Variants in CYTH1 observed in about 807,000 individuals in gnomAD.
The protein encoded by CYTH1 is cytohesin-1.
A neutral mutation model predicts 61.8 loss-of-function variants in CYTH1; 18 were observed. The ratio of observed to expected loss-of-function variants is 0.29; its 90% CI spans 0.20 to 0.43. The LOEUF is 0.43. Among genes scored for constraint, CYTH1 ranks in the 20% least tolerant of loss-of-function variants. CYTH1 has a pLI of 1.00. For synonymous variants in CYTH1, 174 were observed against 184.3 expected (o/e 0.94, Z 0.45); for missense variants, 336 against 510.5 (o/e 0.66, Z 3.29).
intron 1 of CYTH1, among the ~76,000 whole-genome samples, chr17:78,712,641 A>G (rs2093146209): frequency 6.6e-6 from 1 of 152,114 alleles, no homozygotes; most frequent in Non-Finnish European, 1.5e-5. Flanking sequence ...AGGCAACAAG[A>G]GCACAACTCT....
intron 1 of CYTH1, among the ~76,000 whole-genome samples, chr17:78,735,919 C>T (rs916042092): frequency 5.3e-5 from 8 of 152,192 alleles, no homozygotes; most frequent in Admixed American, 4.6e-4. Flanking sequence ...TGACCCAGGG[C>T]TTTAAGACAC....
intron 1 of CYTH1, among the ~76,000 whole-genome samples, chr17:78,776,794 C>A (rs1428322239): frequency 6.6e-6 from 1 of 150,792 alleles, no homozygotes; most frequent in African/African-American, 2.4e-5. Flanking sequence ...TCTGGTGGGA[C>A]TCCACAGTGC....
At position 78,745,558 on chromosome 17, in the gene CYTH1, G is replaced by T. The variant is rs530202185; in HGVS notation, c.23-35826C>A. On this transcript the variant is annotated intron_variant, in intron 1 of 13. Transcript: ENST00000446868. ...CTGTGCTGCCCTCTGCTGGCTACAT[G>T]AAAAGATTGTTAAAAGATTGACATA... is the stretch of plus-strand genomic sequence containing the variant. 2.0e-5 allele frequency among the ~76,000 whole-genome samples: 3 copies of T among 152,268 alleles called. No individual in the cohort carries two copies. In the South Asian group the frequency reaches 6.2e-4, roughly 32 times the overall value.
At chr17:78,778,637 C>CAAAAAAAAAAAAAAAAAAAAAAAAAA in intron 1 of CYTH1, among the ~76,000 whole-genome samples, 1 of 64,216 alleles carries the variant, frequency 1.6e-5, no homozygotes, top group Non-Finnish European at 2.8e-5. Flanking sequence ...GACTCCATCT[C>CAAAAAAAAAAAAAAAAAAAAAAAAAA]AAAAAAAAAA....
rs541323462 is a variant in CYTH1, at chr17:78,705,544, T to C, written c.170+2653A>G. ...ATATTATTTCTGCTTGATTAAATAGTATTTAGGATCATTCCTACAAAATGC... is the reference window on the plus strand; with the variant it reads ...ATATTATTTCTGCTTGATTAAATAGCATTTAGGATCATTCCTACAAAATGC... On this transcript the variant is annotated intron_variant, in intron 3 of 13. Coordinates refer to ENST00000446868, the MANE Select transcript of CYTH1 (RefSeq NM_004762.6). Among the ~76,000 whole-genome samples the C allele has an allele frequency of 5.3e-5, 8 of 152,302 alleles. No homozygotes were observed. The East Asian group carries it at 1.5e-3, about 29-fold the overall frequency.
rs532126616 is a variant in CYTH1 at position 78,777,154 on chromosome 17, G to A, written c.22+5048C>T. On this transcript the variant is annotated intron_variant, in intron 1 of 13. Coordinates refer to ENST00000446868, the MANE Select transcript of CYTH1 (RefSeq NM_004762.6). ...AAAAAAAAAAAATAAGGCCGGGCGC[G>A]GTGGCTCACGCCTGTAATCCCAGCA... Among the ~76,000 whole-genome samples, 464 of 142,150 alleles carry A rather than the reference G, an allele frequency of 3.3e-3. 3 individuals are homozygous for A. The highest frequency in any genetic ancestry group is 4.1e-3 in the Non-Finnish European group (272 of 65,590). The allele number at this position is 142,150 out of a possible 152,430, so 93.3% of individuals were successfully genotyped here.
At chr17:78,699,104 C>T in intron 7 of CYTH1, 136 bp from the exon 8 acceptor site, 3 of 1,043,254 alleles carry the variant, frequency 2.9e-6, no homozygotes, top group South Asian at 1.5e-5. Flanking sequence ...CAGTGGCTTA[C>T]ACCTGTAATC....
chr17:78,675,120 C>T lies in CYTH1; in HGVS notation c.*971G>A, dbSNP rs915076136. 6.6e-5 allele frequency: 10 copies of T among 152,218 alleles called. No homozygotes were observed. The highest frequency in any genetic ancestry group is 2.0e-4 in the Admixed American group (3 of 15,286). 9.4% of individuals were successfully genotyped at this position (152,218 alleles called of 1,614,324 possible). A position where few individuals can be genotyped will look rare whatever the true frequency, so the allele number is the denominator to read the frequency against. On this transcript the variant is annotated 3_prime_UTR_variant, in exon 14 of 14. Coordinates refer to ENST00000446868, the MANE Select transcript of CYTH1 (RefSeq NM_004762.6). ...TGGAGTCTGGGGAAGAGGAAGAAAACCCAAAATGAAACAGGTTATCCGGAA... is the reference window on the plus strand; with the variant it reads ...TGGAGTCTGGGGAAGAGGAAGAAAATCCAAAATGAAACAGGTTATCCGGAA...
chr17:78,775,668 G>C (rs2093488194), intron 1 of CYTH1, among the ~76,000 whole-genome samples: 1 of 152,158 alleles, frequency 6.6e-6, no homozygotes, highest in Non-Finnish European at 1.5e-5. Context: ...TTCAGAAGCT[G>C]AATAAGTAAA....
At chr17:78,731,905 T>C (rs1349975773) in intron 1 of CYTH1, among the ~76,000 whole-genome samples, 2 of 152,126 alleles carry the variant, frequency 1.3e-5, no homozygotes, top group Admixed American at 6.5e-5. Context: ...GAGAGATGGA[T>C]ACTACTAAAA....
chr17:78,767,632 T>C (rs2093454531), intron 1 of CYTH1, among the ~76,000 whole-genome samples: 2 of 151,936 alleles, frequency 1.3e-5, no homozygotes, highest in Non-Finnish European at 1.5e-5. Flanking sequence ...GATGGTTGGA[T>C]AGATGGGAAA....
intron 1 of CYTH1, among the ~76,000 whole-genome samples, chr17:78,732,203 C>T (rs1040405282): frequency 1.3e-5 from 2 of 152,218 alleles, no homozygotes; most frequent in Admixed American, 1.3e-4. Context: ...AAGATACCTG[C>T]CTTTTCTCTC....
intron 1 of CYTH1, among the ~76,000 whole-genome samples, chr17:78,735,953 G>C (rs1330479458): frequency 1.3e-5 from 2 of 152,144 alleles, no homozygotes; most frequent in Admixed American, 6.6e-5. Context: ...AATCTCTTGG[G>C]ATTTAGAAGG....
intron 1 of CYTH1, among the ~76,000 whole-genome samples, chr17:78,761,259 T>A (rs1197910972): frequency 6.6e-6 from 1 of 152,184 alleles, no homozygotes; most frequent in African/African-American, 2.4e-5. Flanking sequence ...TTTTCAGATT[T>A]CAAGTTTCAG....
At chr17:78,751,328 A>G (rs1236041581) in intron 1 of CYTH1, among the ~76,000 whole-genome samples, 1 of 152,156 alleles carries the variant, frequency 6.6e-6, no homozygotes, top group Non-Finnish European at 1.5e-5. Flanking sequence ...ACTGTAACTC[A>G]TTCCTGAGCA....
chr17:78,712,156 G>A (rs563699649), intron 1 of CYTH1, among the ~76,000 whole-genome samples: 22 of 35,506 alleles, frequency 6.2e-4, no homozygotes, highest in African/African-American at 2.5e-3. Flanking sequence ...GAGGAAGGAA[G>A]GGAGGGAGGG....
chr17:78,703,808 C>A (rs1037395866), intron 3 of CYTH1, among the ~76,000 whole-genome samples: 2 of 152,184 alleles, frequency 1.3e-5, no homozygotes, highest in Non-Finnish European at 2.9e-5. Context: ...TATGGATAAA[C>A]CACATCTGTT....
At chr17:78,692,085 ACT>A (rs1285993934) in intron 11 of CYTH1, 1 of 254,332 alleles carries the variant, frequency 3.9e-6, no homozygotes, top group African/African-American at 2.3e-5. Flanking sequence ...AGGGCCACAT[ACT>A]CTTTCTCGGC....
intron 11 of CYTH1, among the ~76,000 whole-genome samples, chr17:78,682,617 G>A (rs1455577449): frequency 6.6e-6 from 1 of 152,236 alleles, no homozygotes; most frequent in African/African-American, 2.4e-5. Context: ...ACTTGGCTAA[G>A]AATGTTTCTA....
Sources: gnomAD v4.1 joint callset for allele counts (sites outside exome capture counted in the v4.1 genomes callset) on GRCh38, gnomAD v4.1.1 for gene constraint, MANE v1.5 for transcripts, NCBI Gene and HGNC (gene_info 2026-07-23, HGNC 2026-07-21) for gene names.